PRH1: variants seen among roughly 807,000 people sequenced by gnomAD.
PRH1 encodes salivary acidic proline-rich phosphoprotein 1/2.
Under a neutral mutation model 7.9 loss-of-function variants are expected in PRH1, and 7 were observed. That is an observed-to-expected ratio of 0.89 (90% confidence interval 0.50 to 1.67). PRH1 has a LOEUF of 1.67. Ranked by LOEUF, PRH1 falls within the 40% of genes most tolerant of loss-of-function variation. The pLI is 0.00. For synonymous variants in PRH1, 45 were observed against 80.8 expected (o/e 0.56, Z 2.38); for missense variants, 109 against 223.6 (o/e 0.49, Z 3.27).
At chr12:10,913,312 G>A (rs921503677) in intron 2 of PRH1, among the ~76,000 whole-genome samples, 19 of 151,992 alleles carry the variant, frequency 1.3e-4, no homozygotes, top group Admixed American at 1.2e-3. Flanking sequence ...AAAATTAGCC[G>A]GGCATGGTGG....
At chr12:11,161,601 A>G (rs1350782708) in intron 1 of PRH1, among the ~76,000 whole-genome samples, 1 of 152,208 alleles carries the variant, frequency 6.6e-6, no homozygotes, top group African/African-American at 2.4e-5. Context: ...ATGAGAAAGG[A>G]AAAGAATTGA....
intron 2 of PRH1, among the ~76,000 whole-genome samples, chr12:10,928,712 G>A (rs529576265): frequency 5.3e-5 from 8 of 152,180 alleles, no homozygotes; most frequent in East Asian, 1.9e-4. Context: ...CACAACTCAC[G>A]GATAAGCAGA....
At chr12:10,912,829 T>C (rs1040258068) in intron 2 of PRH1, among the ~76,000 whole-genome samples, 10 of 152,216 alleles carry the variant, frequency 6.6e-5, no homozygotes, top group African/African-American at 1.7e-4. Context: ...ATGGTCAATT[T>C]TGATAAATGT....
At chr12:11,129,069 T>C (rs562209882) in intron 1 of PRH1, among the ~76,000 whole-genome samples, 4 of 152,210 alleles carry the variant, frequency 2.6e-5, no homozygotes, top group Non-Finnish European at 5.9e-5. Flanking sequence ...ACTATAGGCA[T>C]GTACCACCAT....
chr12:10,963,860 TTTAAA>T (rs1486915813), intron 2 of PRH1, among the ~76,000 whole-genome samples: 6 of 152,248 alleles, frequency 3.9e-5, no homozygotes, highest in African/African-American at 7.2e-5. Flanking sequence ...AATTGTTTGC[TTTAAA>T]TTAAACATAA....
intron 1 of PRH1, among the ~76,000 whole-genome samples, chr12:11,066,729 G>C (rs184218963): frequency 2.0e-5 from 3 of 151,718 alleles, no homozygotes; most frequent in Admixed American, 2.0e-4. Flanking sequence ...TTAAGTACTG[G>C]AGTTCAGGGT....
intron 1 of PRH1, among the ~76,000 whole-genome samples, chr12:11,039,199 T>A (rs1942589765): frequency 6.6e-6 from 1 of 152,234 alleles, no homozygotes; most frequent in South Asian, 2.1e-4. Context: ...ATGTCTGAAT[T>A]TTTTTAAAGG....
chr12:11,054,693 T>A (rs1943285398), intron 1 of PRH1, among the ~76,000 whole-genome samples: 1 of 152,186 alleles, frequency 6.6e-6, no homozygotes, highest in South Asian at 2.1e-4. Context: ...TTATTGGAAA[T>A]TCACTAATTT....
chr12:10,893,637 A>G (rs1949606627), intron 2 of PRH1, among the ~76,000 whole-genome samples: 1 of 152,176 alleles, frequency 6.6e-6, no homozygotes, highest in Non-Finnish European at 1.5e-5. Context: ...TTTTAATTTT[A>G]TTCACACATT....
chr12:10,930,445 C>A, intron 2 of PRH1: 1 of 1,460,672 alleles, frequency 6.8e-7, no homozygotes, highest in Non-Finnish European at 9.4e-7. Context: ...TTCTCCCAAC[C>A]TTGATTCTGG....
chr12:10,944,382 A>G (rs1479920227), intron 2 of PRH1, among the ~76,000 whole-genome samples: 1 of 151,976 alleles, frequency 6.6e-6, no homozygotes, highest in Non-Finnish European at 1.5e-5. Flanking sequence ...TTGTTGGTTT[A>G]TAGGAATACA....
intron 2 of PRH1, chr12:10,929,333 T>A (rs1950168299): frequency 6.2e-7 from 1 of 1,614,056 alleles, no homozygotes; most frequent in Non-Finnish European, 8.5e-7. Context: ...AGGACTTAGA[T>A]GAAGGTAAGC....
chr12:10,943,167 C>T (rs1311859173), intron 2 of PRH1, among the ~76,000 whole-genome samples: 1 of 152,184 alleles, frequency 6.6e-6, no homozygotes, highest in East Asian at 1.9e-4. Context: ...TGATGCAAGC[C>T]TTCACAAGCT....
At chr12:11,047,062 T>C (rs1384517672) in exon 1 of PRH1, 8 of 505,544 alleles carry the variant, frequency 1.6e-5, no homozygotes, top group Non-Finnish European at 2.5e-5. Context: ...ACATCCAAAC[T>C]AGCCTTCATG....
chr12:11,060,244 A>C (rs1245791152), intron 1 of PRH1, among the ~76,000 whole-genome samples: 5 of 152,126 alleles, frequency 3.3e-5, no homozygotes, highest in Admixed American at 2.6e-4. Context: ...CTTTCATTTC[A>C]TCATTGACAA....
intron 1 of PRH1, chr12:11,091,797 A>G (rs757296915): frequency 6.7e-7 from 1 of 1,495,936 alleles, no homozygotes; most frequent in Non-Finnish European, 9.3e-7. Context: ...TTTATCACAA[A>G]AAGATGACAA....
chr12:11,028,132 T>C (rs1400754195), intron 1 of PRH1, among the ~76,000 whole-genome samples: 1 of 152,200 alleles, frequency 6.6e-6, no homozygotes, highest in Non-Finnish European at 1.5e-5. Flanking sequence ...CTTGAATGCA[T>C]CACCACACTG....
chr12:11,074,123 AG>A (rs1944198711), intron 1 of PRH1, among the ~76,000 whole-genome samples: 1 of 148,856 alleles, frequency 6.7e-6, no homozygotes, highest in Non-Finnish European at 1.5e-5. Flanking sequence ...TGCCTGATCC[AG>A]ATCACCTTTC....
At chr12:11,081,570 T>G (rs1944502528) in intron 1 of PRH1, among the ~76,000 whole-genome samples, 1 of 116,602 alleles carries the variant, frequency 8.6e-6, no homozygotes, top group African/African-American at 2.9e-5. Flanking sequence ...TAAGTTGATG[T>G]GAGTAGCTTT....
Sources: gnomAD v4.1 joint callset for allele counts (sites outside exome capture counted in the v4.1 genomes callset) on GRCh38, gnomAD v4.1.1 for gene constraint, MANE v1.5 for transcripts, NCBI Gene and HGNC (gene_info 2026-07-23, HGNC 2026-07-21) for gene names.